The following DCBLD2 variants were observed in gnomAD, a reference collection of about 807,000 sequenced individuals.
DCBLD2 encodes discoidin, CUB and LCCL domain containing 2.
A neutral mutation model predicts 86.8 loss-of-function variants in DCBLD2; 54 were observed. The ratio of observed to expected loss-of-function variants is 0.62; its 90% CI spans 0.50 to 0.78. The LOEUF (loss-of-function observed/expected upper bound fraction) is 0.78, where lower values mean the gene tolerates loss of function less well. DCBLD2 is among the 30% of genes least tolerant of loss of function. The pLI, the probability that DCBLD2 is intolerant of heterozygous loss-of-function variation, is 0.00. For missense variants in DCBLD2, 908 were observed against 954.2 expected (o/e 0.95, Z 0.64); for synonymous variants, 354 against 341.3 (o/e 1.04, Z -0.41).
chr3:98,889,963 C>A (rs546063989), intron 1 of DCBLD2, among the ~76,000 whole-genome samples: 9 of 152,100 alleles, frequency 5.9e-5, no homozygotes, highest in African/African-American at 1.9e-4. Flanking sequence ...CCCCTCACCA[C>A]CCCCCATCTA....
intron 2 of DCBLD2, among the ~76,000 whole-genome samples, chr3:98,857,526 T>C (rs1942958070): frequency 6.6e-6 from 1 of 152,146 alleles, no homozygotes; most frequent in African/African-American, 2.4e-5. Context: ...TTGGTGCGTT[T>C]ACAATCCCTG....
chr3:98,881,567 C>T lies in DCBLD2; in HGVS notation c.406G>A (p.Gly136Arg). The T allele has an allele frequency of 6.2e-7, 1 of 1,613,852 alleles. No homozygotes were observed. The highest frequency in any genetic ancestry group is 1.1e-5 in the South Asian group (1 of 91,064). Residue 136 changes from glycine to arginine, a missense_variant, in exon 2 of 16, where the codon GGA (glycine) becomes AGA (arginine). Transcript: ENST00000326840. The stretch of plus-strand genomic sequence containing the variant: ...ATTTCAGTTCTGCTGACTCCAATTC[C>T]ATTATAAATTCTCAAGTAATTAAAG... The part of the protein sequence containing the change: ...CHFNYLRIYN[G>R]IGVSRTEIGK...
intron 2 of DCBLD2, among the ~76,000 whole-genome samples, chr3:98,871,621 T>C (rs1275149077): frequency 6.6e-6 from 1 of 152,192 alleles, no homozygotes; most frequent in Non-Finnish European, 1.5e-5. Context: ...ATTCCTGGTA[T>C]GAAACCCACT....
intron 2 of DCBLD2, among the ~76,000 whole-genome samples, chr3:98,850,818 C>T (rs1018802333): frequency 6.6e-6 from 1 of 152,194 alleles, no homozygotes; most frequent in African/African-American, 2.4e-5. Context: ...ATACAAAAAT[C>T]AACTGCATTT....
intron 3 of DCBLD2, among the ~76,000 whole-genome samples, chr3:98,843,330 C>G (rs1211358258): frequency 1.3e-5 from 2 of 152,008 alleles, no homozygotes; most frequent in Non-Finnish European, 2.9e-5. Flanking sequence ...AAATGTTTGC[C>G]AGATACAGGA....
chr3:98,816,751 A>T (rs1372381325), intron 9 of DCBLD2, among the ~76,000 whole-genome samples: 2 of 152,208 alleles, frequency 1.3e-5, no homozygotes, highest in Non-Finnish European at 2.9e-5. Context: ...AACTCATAGG[A>T]AAGTTTGAAA....
At chr3:98,884,293 C>G (rs1943522458) in intron 1 of DCBLD2, among the ~76,000 whole-genome samples, 2 of 151,718 alleles carry the variant, frequency 1.3e-5, no homozygotes, top group African/African-American at 4.8e-5. Flanking sequence ...CTAGGCATAG[C>G]AACTCAGTAA....
At chr3:98,828,063 A>G (rs984782987) in intron 3 of DCBLD2, among the ~76,000 whole-genome samples, 10 of 152,212 alleles carry the variant, frequency 6.6e-5, no homozygotes, top group African/African-American at 2.4e-4. Context: ...CTCAAACTAC[A>G]TACAAAATAA....
chr3:98,863,520 G>C (rs948631014), intron 2 of DCBLD2, among the ~76,000 whole-genome samples: 11 of 152,140 alleles, frequency 7.2e-5, no homozygotes, highest in African/African-American at 2.7e-4. Flanking sequence ...CAGAGATATA[G>C]ACCAATGGAA....
At chr3:98,887,038 AATTAT>A (rs1477326749) in intron 1 of DCBLD2, among the ~76,000 whole-genome samples, 1 of 151,904 alleles carries the variant, frequency 6.6e-6, no homozygotes, top group African/African-American at 2.4e-5. Flanking sequence ...AAATTGTATT[AATTAT>A]ATTCTTATAT....
intron 3 of DCBLD2, among the ~76,000 whole-genome samples, chr3:98,839,304 G>A (rs1358541820): frequency 2.7e-5 from 4 of 150,478 alleles, no homozygotes; most frequent in Admixed American, 1.3e-4. Context: ...GAATGCAGTC[G>A]AGTTGTTTTC....
intron 2 of DCBLD2, among the ~76,000 whole-genome samples, chr3:98,881,327 A>G (rs1943466049): frequency 6.6e-6 from 1 of 152,024 alleles, no homozygotes; most frequent in Non-Finnish European, 1.5e-5. Flanking sequence ...CATCTTGGGC[A>G]AGGGTACCAA....
chr3:98,807,861 A>C, intron 13 of DCBLD2: 1 of 316,912 alleles, frequency 3.2e-6, no homozygotes, highest in Non-Finnish European at 5.8e-6. Flanking sequence ...TACATATCCC[A>C]GTGTATAATG....
chr3:98,896,596 TAGAA>T (rs1489793732), intron 1 of DCBLD2, among the ~76,000 whole-genome samples: 2 of 152,170 alleles, frequency 1.3e-5, no homozygotes, highest in Non-Finnish European at 2.9e-5. Flanking sequence ...GAATATGTAA[TAGAA>T]AGGAAAGTTA....
intron 2 of DCBLD2, among the ~76,000 whole-genome samples, chr3:98,853,829 C>T (rs1289762756): frequency 6.6e-6 from 1 of 152,180 alleles, no homozygotes; most frequent in Non-Finnish European, 1.5e-5. Context: ...CGGAACAATG[C>T]TCTCCTTAGG....
chr3:98,802,290 A>G (rs1259922605), intron 13 of DCBLD2, among the ~76,000 whole-genome samples: 1 of 152,014 alleles, frequency 6.6e-6, no homozygotes, highest in Non-Finnish European at 1.5e-5. Flanking sequence ...TTTGATTTGC[A>G]TTTCTCTGAT....
Position 98,901,429 on chromosome 3 carries a change from C to G in DCBLD2, c.-103G>C, listed in dbSNP as rs1478267223. 4.3e-6 allele frequency: 5 copies of G among 1,170,786 alleles called. No individual in the cohort carries two copies. Among genetic ancestry groups the G allele is most frequent in the Non-Finnish European group, 5.4e-6 (5 of 929,770 alleles). The allele number at this position is 1,170,786 out of a possible 1,614,324, so 72.5% of individuals were successfully genotyped here. On this transcript the variant is annotated 5_prime_UTR_variant, in exon 1 of 16. Transcript: ENST00000326840. The stretch of plus-strand genomic sequence containing the variant: ...GGAGACGGCGGCAGCGGCGGGAGAA[C>G]AAGAGGCAGCCCTCGCCTCACCCCG...
intron 3 of DCBLD2, among the ~76,000 whole-genome samples, chr3:98,835,571 CA>C (rs1227723767): frequency 1.4e-5 from 2 of 146,584 alleles, no homozygotes; most frequent in Non-Finnish European, 3.0e-5. Context: ...TTTTTTGAGA[CA>C]GAGTTTCTTT....
chr3:98,828,683 C>T (rs1197336016), intron 3 of DCBLD2, among the ~76,000 whole-genome samples: 1 of 152,138 alleles, frequency 6.6e-6, no homozygotes. Context: ...TAGCATATGA[C>T]CCAGAAATCT....
Sources: gnomAD v4.1 joint callset for allele counts (sites outside exome capture counted in the v4.1 genomes callset) on GRCh38, gnomAD v4.1.1 for gene constraint, MANE v1.5 for transcripts, NCBI Gene and HGNC (gene_info 2026-07-23, HGNC 2026-07-21) for gene names.